The following NFIA variants were observed in gnomAD, a reference collection of about 807,000 sequenced individuals.
The protein encoded by NFIA is nuclear factor I A, also known as nuclear factor 1 A-type.
In NFIA, 8 loss-of-function variants were observed where a neutral mutation model predicts 62.8. That is an observed-to-expected ratio of 0.13 (90% CI 0.07 to 0.23). NFIA has a LOEUF of 0.23. NFIA is among the 10% of genes least tolerant of loss of function. The probability of loss-of-function intolerance (pLI) is 1.00; values close to 1 mark genes in which losing one functional copy is unlikely to be tolerated. For synonymous variants in NFIA, 235 were observed against 238.1 expected, an observed-to-expected ratio of 0.99 and a Z score of 0.12; for missense variants, 410 against 642.1, an observed-to-expected ratio of 0.64 and a Z score of 3.91.
chr1:61,095,658 G>T (rs1646398838), intron 2 of NFIA, among the ~76,000 whole-genome samples: 1 of 152,142 alleles, frequency 6.6e-6, no homozygotes, highest in African/African-American at 2.4e-5. Flanking sequence ...TGTTACACTT[G>T]TCACTGTTAG....
At chr1:61,357,703 C>CT (rs1186048416) in intron 5 of NFIA, among the ~76,000 whole-genome samples, 1 of 152,132 alleles carries the variant, frequency 6.6e-6, no homozygotes, top group African/African-American at 2.4e-5. Context: ...GTCTCCATGT[C>CT]TGACTCATCT....
chr1:61,338,176 G>C (rs1661715168), intron 4 of NFIA, among the ~76,000 whole-genome samples: 1 of 152,196 alleles, frequency 6.6e-6, no homozygotes, highest in Admixed American at 6.5e-5. Flanking sequence ...ACTGTGGCCA[G>C]CCTTAGAGTC....
intron 3 of NFIA, among the ~76,000 whole-genome samples, chr1:61,295,519 A>G (rs555848623): frequency 6.6e-6 from 1 of 152,294 alleles, no homozygotes; most frequent in Admixed American, 6.5e-5. Flanking sequence ...GTTGAAAGGA[A>G]GAGTGTGGTC....
chr1:61,441,618 G>A (rs34098161), intron 10 of NFIA, among the ~76,000 whole-genome samples: 1 of 152,010 alleles, frequency 6.6e-6, no homozygotes, highest in Non-Finnish European at 1.5e-5. Flanking sequence ...TTGATCATTA[G>A]GATTAATTTA....
intron 6 of NFIA, among the ~76,000 whole-genome samples, chr1:61,376,827 C>G (rs1664171525): frequency 6.6e-6 from 1 of 152,050 alleles, no homozygotes; most frequent in African/African-American, 2.4e-5. Flanking sequence ...CTGTATGATC[C>G]TAGACAAATT....
intron 10 of NFIA, among the ~76,000 whole-genome samples, chr1:61,436,288 A>C (rs957513823): frequency 6.6e-6 from 1 of 152,146 alleles, no homozygotes; most frequent in African/African-American, 2.4e-5. Context: ...GCAGAGCTTG[A>C]GTCAACACAA....
At chr1:61,361,945 G>A (rs990197190) in intron 6 of NFIA, among the ~76,000 whole-genome samples, 1 of 152,076 alleles carries the variant, frequency 6.6e-6, no homozygotes, top group African/African-American at 2.4e-5. Flanking sequence ...TTTATAGGGA[G>A]TGATAGAGGA....
chr1:61,180,000 T>C (rs1650649160), intron 2 of NFIA, among the ~76,000 whole-genome samples: 1 of 152,168 alleles, frequency 6.6e-6, no homozygotes, highest in Non-Finnish European at 1.5e-5. Context: ...GGACTCTTTA[T>C]GCATTATGTG....
chr1:61,244,230 C>T (rs186207636), intron 2 of NFIA, among the ~76,000 whole-genome samples: 1 of 152,278 alleles, frequency 6.6e-6, no homozygotes, highest in Non-Finnish European at 1.5e-5. Context: ...ATGACTGCTG[C>T]GATAATAATT....
chr1:61,170,284 ATGTCAGTGGCAT>A (rs1649864594), intron 2 of NFIA, among the ~76,000 whole-genome samples: 1 of 152,172 alleles, frequency 6.6e-6, no homozygotes. Flanking sequence ...GATTTCTAAA[ATGTCAGTGGCAT>A]TTGGACAGGT....
At chr1:61,149,415 T>G (rs1402826478) in intron 2 of NFIA, among the ~76,000 whole-genome samples, 1 of 152,234 alleles carries the variant, frequency 6.6e-6, no homozygotes, top group Non-Finnish European at 1.5e-5. Flanking sequence ...TTAGTGCTTT[T>G]GCTAAGACTG....
chr1:61,449,827 C>T (rs1033465574), intron 10 of NFIA, among the ~76,000 whole-genome samples: 2 of 152,236 alleles, frequency 1.3e-5, no homozygotes, highest in Non-Finnish European at 2.9e-5. Context: ...AAGCCCAAGG[C>T]TGGCAGTACC....
chr1:61,233,030 G>A (rs892531200), intron 2 of NFIA, among the ~76,000 whole-genome samples: 4 of 152,130 alleles, frequency 2.6e-5, no homozygotes, highest in Non-Finnish European at 4.4e-5. Flanking sequence ...TAAGCTCCTA[G>A]AGTGTGTATT....
chr1:61,395,239 TTGTTA>T (rs746388356), intron 7 of NFIA, among the ~76,000 whole-genome samples: 22 of 152,102 alleles, frequency 1.4e-4, no homozygotes, highest in South Asian at 8.3e-4. Context: ...GGCTTTATGT[TTGTTA>T]TGAGATTTGC....
chr1:61,110,287 C>G (rs1646673600), intron 2 of NFIA, among the ~76,000 whole-genome samples: 1 of 149,084 alleles, frequency 6.7e-6, no homozygotes, highest in Non-Finnish European at 1.5e-5. Flanking sequence ...AGTTTTTACT[C>G]TTAGAAAAGT....
intron 2 of NFIA, among the ~76,000 whole-genome samples, chr1:61,241,177 A>G (rs935824937): frequency 5.9e-5 from 9 of 152,028 alleles, no homozygotes; most frequent in Non-Finnish European, 1.3e-4. Flanking sequence ...TCTATTTTAT[A>G]TGTTGAATTT....
chr1:61,221,507 A>G (rs912710887), intron 2 of NFIA, among the ~76,000 whole-genome samples: 4 of 152,312 alleles, frequency 2.6e-5, no homozygotes, highest in African/African-American at 9.6e-5. Context: ...TAGACCTTCC[A>G]TAGACACTTA....
intron 3 of NFIA, among the ~76,000 whole-genome samples, chr1:61,278,483 A>G (rs759342421): frequency 1.6e-4 from 24 of 152,112 alleles, no homozygotes; most frequent in Non-Finnish European, 2.9e-4. Flanking sequence ...AGAATATGCC[A>G]TTGTGATTAA....
chr1:61,104,229 A>C (rs1646558305), intron 2 of NFIA, among the ~76,000 whole-genome samples: 1 of 152,076 alleles, frequency 6.6e-6, no homozygotes, highest in African/African-American at 2.4e-5. Context: ...GTTTTGAATC[A>C]CATAGTGTCT....
Sources: gnomAD v4.1 joint callset for allele counts (sites outside exome capture counted in the v4.1 genomes callset) on GRCh38, gnomAD v4.1.1 for gene constraint, MANE v1.5 for transcripts, NCBI Gene and HGNC (gene_info 2026-07-23, HGNC 2026-07-21) for gene names.